CERS6: variants seen among roughly 807,000 people sequenced by gnomAD.
CERS6 encodes the protein ceramide synthase 6, also known as LAG1 homolog, ceramide synthase 6.
Under a neutral mutation model 56.8 loss-of-function variants are expected in CERS6, and 26 were observed. The observed-to-expected ratio is 0.46, with a 90% CI of 0.34 to 0.63. The LOEUF is 0.63. Among genes scored for constraint, CERS6 ranks in the 30% least tolerant of loss-of-function variants. CERS6 has a pLI of 0.01. For synonymous variants in CERS6, 164 were observed against 173.3 expected, an observed-to-expected ratio of 0.95 and a Z score of 0.42; for missense variants, 415 against 467.5, an observed-to-expected ratio of 0.89 and a Z score of 1.04.
chr2:168,629,193 A>T (rs1167768679), intron 3 of CERS6, among the ~76,000 whole-genome samples: 2 of 152,236 alleles, frequency 1.3e-5, no homozygotes, highest in African/African-American at 4.8e-5. Context: ...TAAAATGTAG[A>T]TACATAAATG....
At chr2:168,692,128 A>G (rs898185344) in intron 5 of CERS6, among the ~76,000 whole-genome samples, 17 of 152,172 alleles carry the variant, frequency 1.1e-4, no homozygotes, top group African/African-American at 4.1e-4. Context: ...CACATTAGAA[A>G]ACACTATAAA....
intron 6 of CERS6, among the ~76,000 whole-genome samples, chr2:168,710,087 T>C (rs964099991): frequency 6.6e-6 from 1 of 152,212 alleles, no homozygotes; most frequent in African/African-American, 2.4e-5. Context: ...ATAAAACAAA[T>C]GTTTTGTAGG....
At chr2:168,712,593 C>T (rs1359324818) in intron 6 of CERS6, among the ~76,000 whole-genome samples, 2 of 152,096 alleles carry the variant, frequency 1.3e-5, no homozygotes, top group East Asian at 1.9e-4. Flanking sequence ...TAAATAGTAG[C>T]GTGATTACTT....
chr2:168,613,881 G>T (rs1474660250), intron 3 of CERS6, among the ~76,000 whole-genome samples: 1 of 152,170 alleles, frequency 6.6e-6, no homozygotes, highest in African/African-American at 2.4e-5. Context: ...AGAACATGAG[G>T]TGCTGCAGTA....
At chr2:168,474,249 T>C (rs576884319) in intron 1 of CERS6, among the ~76,000 whole-genome samples, 5 of 152,304 alleles carry the variant, frequency 3.3e-5, no homozygotes, top group African/African-American at 1.2e-4. Flanking sequence ...TTTAACGGCT[T>C]TTCCATAAAT....
chr2:168,599,127 G>A (rs1683872989), intron 3 of CERS6, among the ~76,000 whole-genome samples: 1 of 152,148 alleles, frequency 6.6e-6, no homozygotes, highest in South Asian at 2.1e-4. Flanking sequence ...CAACATTTAA[G>A]GAAATGTTGC....
rs892663786 is a variant in CERS6, at chr2:168,665,332, G to T, written c.466-25702G>T. ...AAAATAAGGAATTGAAATACGGTGG[G>T]TATAACATAAGTTATTTAAACATTT... is the stretch of plus-strand genomic sequence containing the variant. On this transcript the variant is annotated intron_variant, in intron 4 of 9. Transcript: ENST00000305747. Among the ~76,000 whole-genome samples the T allele has an allele frequency of 2.3e-4, 35 of 152,108 alleles. 2 individuals carry two copies. In the East Asian group the frequency reaches 3.9e-3, roughly 17 times the overall value.
chr2:168,752,756 T>A (rs149806609), intron 8 of CERS6, among the ~76,000 whole-genome samples: 1 of 152,366 alleles, frequency 6.6e-6, no homozygotes, highest in African/African-American at 2.4e-5. Context: ...AGTGGTTTGA[T>A]CTCATAAATA....
At chr2:168,672,914 C>T (rs975904544) in intron 4 of CERS6, among the ~76,000 whole-genome samples, 1 of 152,172 alleles carries the variant, frequency 6.6e-6, no homozygotes, top group East Asian at 1.9e-4. Flanking sequence ...GCATAACTGC[C>T]TAGAGATCAA....
chr2:168,699,584 CT>C (rs1404434627), intron 6 of CERS6, among the ~76,000 whole-genome samples: 1 of 152,018 alleles, frequency 6.6e-6, no homozygotes, highest in African/African-American at 2.4e-5. Flanking sequence ...ATAAACTCTT[CT>C]TTTTTGGCAC....
At chr2:168,473,750 A>G (rs75139027) in intron 1 of CERS6, among the ~76,000 whole-genome samples, 1 of 152,192 alleles carries the variant, frequency 6.6e-6, no homozygotes, top group African/African-American at 2.4e-5. Flanking sequence ...ATAAAAAAAC[A>G]CACAGCCAGT....
chr2:168,748,086 A>G (rs1478565497), intron 8 of CERS6, among the ~76,000 whole-genome samples: 1 of 152,164 alleles, frequency 6.6e-6, no homozygotes, highest in South Asian at 2.1e-4. Context: ...TGTGAGTGAA[A>G]GCTGCATCAG....
intron 6 of CERS6, among the ~76,000 whole-genome samples, chr2:168,712,536 T>G (rs1687117370): frequency 6.6e-6 from 1 of 152,170 alleles, no homozygotes; most frequent in Non-Finnish European, 1.5e-5. Context: ...ACCTCCCAAT[T>G]TATATCTGAA....
chr2:168,688,926 A>G (rs760611265), intron 4 of CERS6, among the ~76,000 whole-genome samples: 2 of 152,194 alleles, frequency 1.3e-5, no homozygotes, highest in Non-Finnish European at 2.9e-5. Context: ...GTTTTAGAAG[A>G]CTAATCAGCC....
chr2:168,718,040 T>A lies in CERS6; in HGVS notation c.845+62T>A, dbSNP rs2105393270. ...TTTCCAAATAAGCTTTCTGAACCATTTTCCTTTTGAATTTTACTGTAAGTA... is the reference window on the plus strand; with the variant it reads ...TTTCCAAATAAGCTTTCTGAACCATATTCCTTTTGAATTTTACTGTAAGTA... On this transcript the variant is annotated intron_variant, in intron 8 of 9. Transcript: ENST00000305747. 3.3e-6 allele frequency: 4 copies of A among 1,230,518 alleles called. 1 individual carries two copies. Among genetic ancestry groups the A allele is most frequent in the Non-Finnish European group, 4.7e-6 (4 of 853,348 alleles). 76.2% of individuals were successfully genotyped at this position (1,230,518 alleles called of 1,614,324 possible).
chr2:168,756,879 TAAC>T (rs1275035972), intron 8 of CERS6, among the ~76,000 whole-genome samples: 1 of 152,042 alleles, frequency 6.6e-6, no homozygotes, highest in African/African-American at 2.4e-5. Context: ...ATAGGGATAA[TAAC>T]AGGACACACT....
At chr2:168,741,750 C>A (rs1237545316) in intron 8 of CERS6, among the ~76,000 whole-genome samples, 1 of 152,114 alleles carries the variant, frequency 6.6e-6, no homozygotes, top group Non-Finnish European at 1.5e-5. Flanking sequence ...GGCAGGCATG[C>A]TGTAAAGATG....
chr2:168,670,978 C>CG (rs1553506535), intron 4 of CERS6, among the ~76,000 whole-genome samples: 2 of 84,298 alleles, frequency 2.4e-5, no homozygotes, highest in African/African-American at 3.1e-5. Flanking sequence ...CCCCCCCCCC[C>CG]CCAGACGGAA....
chr2:168,706,965 C>T (rs1457256536), intron 6 of CERS6, among the ~76,000 whole-genome samples: 3 of 152,168 alleles, frequency 2.0e-5, no homozygotes, highest in East Asian at 1.9e-4. Context: ...AACAAATGGG[C>T]GTGGCTGTAT....
Sources: gnomAD v4.1 joint callset for allele counts (sites outside exome capture counted in the v4.1 genomes callset) on GRCh38, gnomAD v4.1.1 for gene constraint, MANE v1.5 for transcripts, NCBI Gene and HGNC (gene_info 2026-07-23, HGNC 2026-07-21) for gene names.